The following MACROD2 variants were observed in gnomAD, a reference collection of about 807,000 sequenced individuals.
MACROD2 encodes the protein ADP-ribose glycohydrolase MACROD2.
MACROD2 carries 36 observed loss-of-function variants against 70.4 expected under a neutral mutation model. The observed-to-expected ratio is 0.51, with a 90% confidence interval of 0.39 to 0.68. The LOEUF (loss-of-function observed/expected upper bound fraction) is 0.68, where lower values mean the gene tolerates loss of function less well. Among genes scored for constraint, MACROD2 ranks in the 30% least tolerant of loss-of-function variants. The probability of loss-of-function intolerance (pLI) is 0.00; values close to 1 mark genes in which losing one functional copy is unlikely to be tolerated. For synonymous variants in MACROD2, 172 were observed against 178.8 expected (o/e 0.96, Z 0.30); for missense variants, 496 against 538.4 (o/e 0.92, Z 0.78).
intron 3 of MACROD2, among the ~76,000 whole-genome samples, chr20:14,444,222 G>T (rs2084158379): frequency 6.6e-6 from 1 of 152,078 alleles, no homozygotes; most frequent in Non-Finnish European, 1.5e-5. Flanking sequence ...TTGCCAGAGA[G>T]ATACTTTGTC....
At chr20:14,243,298 A>G (rs915558320) in intron 3 of MACROD2, among the ~76,000 whole-genome samples, 2 of 152,210 alleles carry the variant, frequency 1.3e-5, no homozygotes, top group African/African-American at 4.8e-5. Context: ...ATTAACTGGT[A>G]GTTTAATACT....
chr20:14,572,859 A>G (rs1980295758), intron 4 of MACROD2, among the ~76,000 whole-genome samples: 1 of 150,724 alleles, frequency 6.6e-6, no homozygotes, highest in Non-Finnish European at 1.5e-5. Context: ...ATATTTAAAG[A>G]TATTTTAACA....
chr20:14,834,487 G>T (rs915206450), intron 5 of MACROD2, among the ~76,000 whole-genome samples: 1 of 151,982 alleles, frequency 6.6e-6, no homozygotes, highest in African/African-American at 2.4e-5. Flanking sequence ...CCCAATCACT[G>T]CAGACTCAGT....
chr20:15,940,191 G>A (rs2065730832), intron 12 of MACROD2, among the ~76,000 whole-genome samples: 1 of 151,792 alleles, frequency 6.6e-6, no homozygotes, highest in Non-Finnish European at 1.5e-5. Flanking sequence ...CCTCCCAGGT[G>A]TAAGCAATTC....
chr20:14,756,858 T>C (rs890527844), intron 5 of MACROD2, among the ~76,000 whole-genome samples: 2 of 152,088 alleles, frequency 1.3e-5, no homozygotes, highest in Non-Finnish European at 2.9e-5. Context: ...ACTGTTCTCG[T>C]GATAGTGAGT....
At chr20:14,903,986 A>T (rs2073929060) in intron 5 of MACROD2, among the ~76,000 whole-genome samples, 1 of 152,220 alleles carries the variant, frequency 6.6e-6, no homozygotes, top group Non-Finnish European at 1.5e-5. Context: ...TAGAAAGTAT[A>T]GTCCAACTGA....
chr20:14,122,778 A>G (rs2054602573), intron 3 of MACROD2, among the ~76,000 whole-genome samples: 1 of 152,144 alleles, frequency 6.6e-6, no homozygotes, highest in African/African-American at 2.4e-5. Context: ...CCATCTGTTC[A>G]CTTTTCAGTT....
intron 2 of MACROD2, among the ~76,000 whole-genome samples, chr20:14,038,081 G>A (rs572510399): frequency 6.6e-6 from 1 of 152,248 alleles, no homozygotes; most frequent in African/African-American, 2.4e-5. Context: ...ATCACTTCAC[G>A]TCAGGAGTTT....
intron 2 of MACROD2, among the ~76,000 whole-genome samples, chr20:14,039,269 TGGAAAACTTTTA>T (rs763645962): frequency 7.0e-4 from 106 of 152,288 alleles, no homozygotes; most frequent in Admixed American, 4.8e-3. Context: ...ATTCATTCCA[TGGAAAACTTTTA>T]GGAGTACTTG....
intron 6 of MACROD2, among the ~76,000 whole-genome samples, chr20:15,252,085 G>A (rs2077160747): frequency 6.6e-6 from 1 of 152,178 alleles, no homozygotes; most frequent in Non-Finnish European, 1.5e-5. Context: ...ATTTTAGGCA[G>A]CATGTGAACA....
intron 5 of MACROD2, among the ~76,000 whole-genome samples, chr20:15,059,343 C>A (rs1034547549): frequency 1.3e-5 from 2 of 151,704 alleles, no homozygotes; most frequent in Non-Finnish European, 2.9e-5. Context: ...CGAGATCACA[C>A]CACTGCACTC....
chr20:15,092,293 A>G (rs1190758852), intron 5 of MACROD2, among the ~76,000 whole-genome samples: 1 of 151,532 alleles, frequency 6.6e-6, no homozygotes, highest in Non-Finnish European at 1.5e-5. Flanking sequence ...TTTATGCACA[A>G]ACTGACAAGT....
intron 5 of MACROD2, among the ~76,000 whole-genome samples, chr20:14,873,169 G>T (rs1214956953): frequency 6.6e-6 from 1 of 152,110 alleles, no homozygotes; most frequent in Admixed American, 6.5e-5. Flanking sequence ...TATCAAATGT[G>T]CTCAACGCAT....
intron 8 of MACROD2, among the ~76,000 whole-genome samples, chr20:15,823,754 T>G (rs933434363): frequency 6.6e-6 from 1 of 152,210 alleles, no homozygotes; most frequent in African/African-American, 2.4e-5. Flanking sequence ...TACATATGGC[T>G]GTGTAATTGT....
At chr20:15,067,075 C>G (rs6074834) in intron 5 of MACROD2, among the ~76,000 whole-genome samples, 2 of 152,066 alleles carry the variant, frequency 1.3e-5, no homozygotes, top group African/African-American at 2.4e-5. Context: ...ATTTTATTTC[C>G]TATTTTATCT....
intron 3 of MACROD2, among the ~76,000 whole-genome samples, chr20:14,458,006 C>T (rs1372857282): frequency 3.3e-5 from 5 of 151,630 alleles, no homozygotes; most frequent in Admixed American, 6.6e-5. Context: ...GAGGCTGAGG[C>T]AGGAGAATTA....
chr20:15,734,771 GTTTTC>G (rs2050996777), intron 8 of MACROD2, among the ~76,000 whole-genome samples: 1 of 152,050 alleles, frequency 6.6e-6, no homozygotes, highest in Admixed American at 6.6e-5. Context: ...ATTTGCCAAT[GTTTTC>G]TTTAATAAAC....
intron 8 of MACROD2, among the ~76,000 whole-genome samples, chr20:15,580,193 C>T (rs1351966943): frequency 6.6e-6 from 1 of 152,130 alleles, no homozygotes; most frequent in Admixed American, 6.5e-5. Context: ...AAAAGAATTG[C>T]CTTATTTTCC....
At chr20:14,170,714 T>C (rs1290370520) in intron 3 of MACROD2, among the ~76,000 whole-genome samples, 1 of 152,224 alleles carries the variant, frequency 6.6e-6, no homozygotes, top group East Asian at 1.9e-4. Flanking sequence ...CATGGTGGAT[T>C]ATCTTTCTGA....
Sources: allele counts gnomAD v4.1 joint callset (sites outside exome capture counted in the v4.1 genomes callset), GRCh38; gene constraint gnomAD v4.1.1; transcripts MANE v1.5; gene names NCBI Gene and HGNC (gene_info 2026-07-23, HGNC 2026-07-21).